Variants in WIF1 observed in about 807,000 individuals in gnomAD.
WIF1 encodes Wnt inhibitory factor 1.
A neutral mutation model predicts 53.5 loss-of-function variants in WIF1; 35 were observed. The observed-to-expected ratio is 0.65, with a 90% CI of 0.50 to 0.87. The LOEUF (loss-of-function observed/expected upper bound fraction) is 0.87, where lower values mean the gene tolerates loss of function less well. Ranked by LOEUF, WIF1 falls within the 40% of genes least tolerant of loss-of-function variation. The pLI is 0.00. For missense variants in WIF1, 467 were observed against 476.8 expected, an observed-to-expected ratio of 0.98 and a Z score of 0.19; for synonymous variants, 171 against 170.4, an observed-to-expected ratio of 1.00 and a Z score of -0.03.
At chr12:65,097,155 C>A (rs775509530) in intron 2 of WIF1, among the ~76,000 whole-genome samples, 27 of 150,268 alleles carry the variant, frequency 1.8e-4, no homozygotes, top group Non-Finnish European at 3.0e-4. Flanking sequence ...CTCTTTTATT[C>A]ACCTTAAAAA....
intron 2 of WIF1, among the ~76,000 whole-genome samples, chr12:65,107,191 C>T (rs1260330042): frequency 6.6e-6 from 1 of 152,182 alleles, no homozygotes; most frequent in Non-Finnish European, 1.5e-5. Context: ...CTATAAGTGA[C>T]AGCAATATAA....
intron 3 of WIF1, among the ~76,000 whole-genome samples, chr12:65,077,398 C>A (rs1479845791): frequency 2.0e-5 from 3 of 152,040 alleles, no homozygotes; most frequent in Admixed American, 6.6e-5. Flanking sequence ...TACTTTGTAT[C>A]TTTGCCACAT....
At chr12:65,067,099 A>G (rs1882698034) in intron 5 of WIF1, among the ~76,000 whole-genome samples, 1 of 152,098 alleles carries the variant, frequency 6.6e-6, no homozygotes, top group Non-Finnish European at 1.5e-5. Flanking sequence ...GAAGAAAAAT[A>G]AGAAAATATT....
intron 2 of WIF1, among the ~76,000 whole-genome samples, chr12:65,091,742 T>C (rs992207125): frequency 6.6e-6 from 1 of 152,182 alleles, no homozygotes; most frequent in Non-Finnish European, 1.5e-5. Context: ...TCTAATTAAT[T>C]AAGAACAAAA....
In WIF1 at chr12:65,051,430, G is replaced by A. The variant is rs759238536; in HGVS notation, c.1059C>T (p.Gly353=). The stretch of plus-strand genomic sequence containing the variant: ...AAGGCGTGTGCTGCCTGAGCTGGGC[G>A]CCTGCTGGCCTCAGGGCATGTATGA... The part of the protein sequence containing the change: ...ASLIHALRPA[G]AQLRQHTPSL... The change falls in exon 10 of 10, where the codon GGC becomes GGT. Residue 353 remains glycine, a synonymous_variant. Coordinates refer to ENST00000286574, the MANE Select transcript of WIF1 (RefSeq NM_007191.5). 2.9e-5 allele frequency: 47 copies of A among 1,613,098 alleles called. No individual in the cohort carries two copies. The highest frequency in any genetic ancestry group is 2.8e-4 in the Admixed American group (17 of 59,836).
chr12:65,098,467 G>A (rs1883236226), intron 2 of WIF1, among the ~76,000 whole-genome samples: 1 of 152,116 alleles, frequency 6.6e-6, no homozygotes, highest in African/African-American at 2.4e-5. Context: ...CCCCAGTCAG[G>A]ACTGGCTCAG....
chr12:65,077,669 AG>A, intron 3 of WIF1, 76 bp downstream of exon 3: 1 of 1,057,796 alleles, frequency 9.5e-7, no homozygotes, highest in Admixed American at 2.0e-5. Context: ...TCTCTGATGT[AG>A]GACATTTGCA....
chr12:65,121,029 AGGCGG>A lies in WIF1; in HGVS notation c.148+10_148+14del, dbSNP rs1474650568. 4.1e-6 allele frequency: 6 copies of A among 1,446,862 alleles called. No homozygotes were observed. Among genetic ancestry groups the A allele is most frequent in the Non-Finnish European group, 4.6e-6 (5 of 1,089,272 alleles). 89.6% of individuals were successfully genotyped at this position (1,446,862 alleles called of 1,614,324 possible). ...GGACATAGGCAGGGGAAGGCGCTGG[AGGCGG>A]GGGCCTTACCTATGAGTACTCTTGC... is the stretch of plus-strand genomic sequence containing the variant. On this transcript the variant is annotated intron_variant, in intron 1 of 9. Coordinates refer to ENST00000286574, the MANE Select transcript of WIF1 (RefSeq NM_007191.5).
chr12:65,090,834 A>C (rs1339654902), intron 2 of WIF1, among the ~76,000 whole-genome samples: 2 of 152,196 alleles, frequency 1.3e-5, no homozygotes, highest in Non-Finnish European at 2.9e-5. Context: ...ACACAGGATC[A>C]ATATAAAGTC....
At chr12:65,106,605 C>A (rs1883356401) in intron 2 of WIF1, among the ~76,000 whole-genome samples, 1 of 152,080 alleles carries the variant, frequency 6.6e-6, no homozygotes, top group South Asian at 2.1e-4. Context: ...CTCAGCCTCC[C>A]AAAGTGTTGG....
At chr12:65,110,556 G>C (rs1213005856) in intron 2 of WIF1, among the ~76,000 whole-genome samples, 1 of 152,190 alleles carries the variant, frequency 6.6e-6, no homozygotes, top group African/African-American at 2.4e-5. Context: ...CAGAGCAAGG[G>C]CTGGATCCTA....
At chr12:65,117,538 C>G (rs1448157191) in intron 2 of WIF1, among the ~76,000 whole-genome samples, 1 of 152,074 alleles carries the variant, frequency 6.6e-6, no homozygotes, top group Non-Finnish European at 1.5e-5. Context: ...TTTCCATGGA[C>G]CGGGCGGTGG....
intron 2 of WIF1, among the ~76,000 whole-genome samples, chr12:65,112,146 C>G (rs575994132): frequency 2.6e-5 from 4 of 152,110 alleles, no homozygotes; most frequent in Non-Finnish European, 4.4e-5. Context: ...TTCCAGTGTT[C>G]AGCTTCTCAT....
chr12:65,091,578 A>T (rs1296274806), intron 2 of WIF1, among the ~76,000 whole-genome samples: 1 of 152,042 alleles, frequency 6.6e-6, no homozygotes, highest in African/African-American at 2.4e-5. Context: ...AGTTTGAATA[A>T]AAAGAAATCA....
At position 65,121,138 on chromosome 12, in the gene WIF1, G is replaced by T; in HGVS notation, c.54C>A (p.Leu18=). 6.4e-7 allele frequency: 1 copy of T among 1,550,868 alleles called. No individual in the cohort carries two copies. Among genetic ancestry groups the T allele is most frequent in the East Asian group, 2.4e-5 (1 of 40,988 alleles). Residue 18 remains leucine (L), a synonymous_variant, in exon 1 of 10, where the codon CTC becomes CTA. Coordinates refer to ENST00000286574, the MANE Select transcript of WIF1 (RefSeq NM_007191.5). ...PAAALWLWSI[L]LCLLALRAEA... is the part of the protein sequence containing the mutation. ...CCGCCCGCAGTGCCAGCAGGCACAG[G>T]AGGATGCTCCAGAGCCAGAGCGCGG...
chr12:65,069,238 T>C (rs1416171902), intron 3 of WIF1, among the ~76,000 whole-genome samples: 1 of 152,192 alleles, frequency 6.6e-6, no homozygotes, highest in Non-Finnish European at 1.5e-5. Context: ...TGGTTAATTA[T>C]GTATACGTCA....
chr12:65,079,382 CA>C (rs1176299966), intron 2 of WIF1, among the ~76,000 whole-genome samples: 6 of 151,730 alleles, frequency 4.0e-5, no homozygotes, highest in South Asian at 2.1e-4. Flanking sequence ...AACCCTCCCA[CA>C]AAAAAAATTC....
At chr12:65,103,839 G>A (rs943068911) in intron 2 of WIF1, among the ~76,000 whole-genome samples, 7 of 152,268 alleles carry the variant, frequency 4.6e-5, no homozygotes, top group Admixed American at 3.3e-4. Context: ...AACTTCTCAC[G>A]TGTTTAATGG....
intron 2 of WIF1, 110 bp downstream of exon 2, chr12:65,120,307 G>C (rs1215568565): frequency 1.7e-6 from 2 of 1,185,326 alleles, no homozygotes; most frequent in Non-Finnish European, 2.3e-6. Context: ...AATCAGATGA[G>C]AAATTTCTCT....
Sources: allele counts gnomAD v4.1 joint callset (sites outside exome capture counted in the v4.1 genomes callset), GRCh38; gene constraint gnomAD v4.1.1; transcripts MANE v1.5; gene names NCBI Gene and HGNC (gene_info 2026-07-23, HGNC 2026-07-21).